DMD: variants seen among roughly 807,000 people sequenced by gnomAD.
DMD encodes the protein dystrophin, also known as mutant dystrophin.
DMD carries 63 observed loss-of-function variants against 330.1 expected under a neutral mutation model. That is an observed-to-expected ratio of 0.19 (90% CI 0.16 to 0.24). The LOEUF (loss-of-function observed/expected upper bound fraction) is 0.24, where lower values mean the gene tolerates loss of function less well. Ranked by LOEUF, DMD falls within the 10% of genes least tolerant of loss-of-function variation. The pLI, the probability that DMD is intolerant of heterozygous loss-of-function variation, is 1.00. For synonymous variants in DMD, 1,223 were observed against 959.8 expected, an observed-to-expected ratio of 1.27 and a Z score of -5.07; for missense variants, 3,344 against 2,684.1, an observed-to-expected ratio of 1.25 and a Z score of -5.43.
rs1297635532 is a variant in DMD at position 31,169,530 on chromosome X, C to T, written c.10466G>A (p.Arg3489His). The change falls in exon 74 of 79, where the codon CGT becomes CAT. Residue 3489 changes from arginine (R) to histidine (H), a missense_variant. Coordinates refer to ENST00000357033, the MANE Select transcript of DMD (RefSeq NM_004006.3). Reference sequence around the variant, plus strand: ...GGAAATCAAGATCTGGGCAGGACTACGAGGCTGGCTCAGGGGGGAGTCCTG... The same window carrying T: ...GGAAATCAAGATCTGGGCAGGACTATGAGGCTGGCTCAGGGGGGAGTCCTG... The part of the protein sequence containing the change: ...LNQDSPLSQP[R>H]SPAQILISLE... 4.2e-6 allele frequency: 5 copies of T among 1,204,549 alleles called. No individual in the cohort carries two copies. The highest frequency in any genetic ancestry group is 1.8e-5 in the South Asian group (1 of 56,286).
intron 43 of DMD, among the ~76,000 whole-genome samples, chrX:32,223,330 A>AT (rs1169031446): frequency 9.0e-6 from 1 of 111,604 alleles, no homozygotes; most frequent in African/African-American, 3.3e-5. Context: ...TCTTATTTTT[A>AT]TTAACAAAGA....
At chrX:32,490,714 G>A (rs772415616) in intron 20 of DMD, among the ~76,000 whole-genome samples, 1 of 111,829 alleles carries the variant, frequency 8.9e-6, no homozygotes, top group Non-Finnish European at 1.9e-5. Flanking sequence ...ACTAAAAGGG[G>A]TAAGAACTCT....
At chrX:31,176,223 A>T (rs987101871) in intron 71 of DMD, among the ~76,000 whole-genome samples, 1 of 111,800 alleles carries the variant, frequency 8.9e-6, no homozygotes, top group Non-Finnish European at 1.9e-5. Context: ...TTTCTTCCTC[A>T]AAATTAAAAC....
At chrX:31,574,847 A>T (rs1014754515) in intron 55 of DMD, among the ~76,000 whole-genome samples, 1 of 111,976 alleles carries the variant, frequency 8.9e-6, no homozygotes, top group Admixed American at 9.5e-5. Context: ...ACGATTTTCT[A>T]ATCGTAGTTA....
intron 1 of DMD, among the ~76,000 whole-genome samples, chrX:33,074,415 A>AT (rs3083149): frequency 0.28 from 28,083 of 101,171 alleles, 3,205 homozygotes; most frequent in Admixed American, 0.4. Flanking sequence ...TTAACACTAT[A>AT]TTTTTTTTTT....
At chrX:32,895,645 G>T (rs962915755) in intron 2 of DMD, among the ~76,000 whole-genome samples, 4 of 111,667 alleles carry the variant, frequency 3.6e-5, no homozygotes, top group Admixed American at 1.9e-4. Flanking sequence ...CAACAGAGAG[G>T]AATAATCCAG....
chrX:33,073,524 G>A (rs1416012321), intron 1 of DMD, among the ~76,000 whole-genome samples: 2 of 111,545 alleles, frequency 1.8e-5, no homozygotes, highest in Non-Finnish European at 3.8e-5. Context: ...ACCAAGCCAT[G>A]AGTTACATAT....
intron 1 of DMD, among the ~76,000 whole-genome samples, chrX:33,058,800 G>C (rs1470001771): frequency 9.0e-6 from 1 of 111,617 alleles, no homozygotes; most frequent in Non-Finnish European, 1.9e-5. Flanking sequence ...TGCATATATA[G>C]GGGTATTCAA....
intron 19 of DMD, among the ~76,000 whole-genome samples, chrX:32,496,481 T>C (rs1163301641): frequency 8.9e-6 from 1 of 112,099 alleles, no homozygotes; most frequent in Non-Finnish European, 1.9e-5. Context: ...TATATAAAAG[T>C]AATACCCCTA....
At chrX:32,847,948 G>A (rs5971665) in intron 3 of DMD, among the ~76,000 whole-genome samples, 42,249 of 111,033 alleles carry the variant, frequency 0.38, 6,504 homozygotes, top group African/African-American at 0.58. Flanking sequence ...TTTAGAGAAA[G>A]GCTTATCTCA....
intron 11 of DMD, 89 bp from the exon 12 acceptor site, chrX:32,614,542 A>G (rs977913976): frequency 2.0e-5 from 17 of 841,215 alleles, no homozygotes; most frequent in South Asian, 1.6e-4. Context: ...TTTATAATAT[A>G]TGGAATGTTC....
chrX:31,307,080 C>T (rs776466726), intron 62 of DMD, among the ~76,000 whole-genome samples: 2 of 111,501 alleles, frequency 1.8e-5, no homozygotes, highest in South Asian at 7.5e-4. Context: ...CCTTCAGAGG[C>T]TGCTATTTTT....
At chrX:32,001,040 T>C (rs1885879335) in intron 44 of DMD, among the ~76,000 whole-genome samples, 1 of 111,466 alleles carries the variant, frequency 9.0e-6, no homozygotes, top group African/African-American at 3.3e-5. Flanking sequence ...CCACTGACAC[T>C]GCCATACATT....
At position 32,545,231 on chromosome X, in the gene DMD, G is replaced by A; in HGVS notation, c.2096C>T (p.Ala699Val). 8.3e-7 allele frequency: 1 copy of A among 1,210,297 alleles called. No individual in the cohort carries two copies. Residue 699 changes from alanine to valine, a missense_variant, in exon 17 of 79, where the codon GCT becomes GTT. Coordinates refer to ENST00000357033, the MANE Select transcript of DMD (RefSeq NM_004006.3). ...AGGTGGTGGTGGAAGTTCCTCTTGA[G>A]CATGCTTTACCAGGATCTGTTCCCT... ...TTREQILVKH[A>V]QEELPPPPPQ...
rs756708601 is a variant in DMD, at chrX:32,495,892, A to G, written c.2381-4374T>C. On this transcript the variant is annotated intron_variant, in intron 19 of 78. Coordinates refer to ENST00000357033, the MANE Select transcript of DMD (RefSeq NM_004006.3). ...GAATACAAATACTAACACACCAGGC[A>G]TTATGAGCAATACTTATGGAAACCA... is the stretch of plus-strand genomic sequence containing the variant. 2.7e-5 allele frequency among the ~76,000 whole-genome samples: 3 copies of G among 111,790 alleles called. No homozygotes were observed. In the Admixed American group the frequency reaches 2.9e-4, roughly 11 times the overall value.
At chrX:32,374,806 G>A (rs1291669467) in intron 34 of DMD, among the ~76,000 whole-genome samples, 1 of 111,698 alleles carries the variant, frequency 9.0e-6, no homozygotes, top group Non-Finnish European at 1.9e-5. Context: ...GGTTCCATAT[G>A]AATTTTAGAA....
At chrX:31,803,403 T>C (rs144391936) in intron 50 of DMD, among the ~76,000 whole-genome samples, 134 of 112,373 alleles carry the variant, frequency 1.2e-3, no homozygotes, top group East Asian at 8.7e-3. Flanking sequence ...TACAGTGAAA[T>C]CTGTCTTATC....
chrX:32,271,919 G>C (rs1031824265), intron 43 of DMD, among the ~76,000 whole-genome samples: 3 of 111,644 alleles, frequency 2.7e-5, no homozygotes, highest in African/African-American at 9.7e-5. Flanking sequence ...GTTAACCAAA[G>C]AGTTTCTCAA....
rs780343006 is a variant in DMD at position 31,749,970 on chromosome X, C to T, written c.7543-20222G>A. 2.8e-3 allele frequency among the ~76,000 whole-genome samples: 303 copies of T among 107,464 alleles called. 2 individuals carry two copies. The highest frequency in any genetic ancestry group is 9.0e-3 in the African/African-American group (261 of 29,110). The allele number at this position is 107,464 out of a possible 115,157, so 93.3% of individuals were successfully genotyped here. A position where few individuals can be genotyped will look rare whatever the true frequency, so the allele number is the denominator to read the frequency against. On this transcript the variant is annotated intron_variant, in intron 51 of 78. Transcript: ENST00000357033. ...TTGAGAAGTGTCTGTTCATGTCCTT[C>T]GCCCACTTTTGGATGGGGTTGTTTG...
Sources: gnomAD v4.1 joint callset for allele counts (sites outside exome capture counted in the v4.1 genomes callset) on GRCh38, gnomAD v4.1.1 for gene constraint, MANE v1.5 for transcripts, NCBI Gene and HGNC (gene_info 2026-07-23, HGNC 2026-07-21) for gene names.